Variants in PPP1R3B observed in about 807,000 individuals in gnomAD.
The protein encoded by PPP1R3B is PP1 subunit R4.
In PPP1R3B, 8 loss-of-function variants were observed where a neutral mutation model predicts 14.6. That is an observed-to-expected ratio of 0.55 (90% CI 0.32 to 0.99). PPP1R3B has a LOEUF of 0.99. Ranked by LOEUF, PPP1R3B falls within the 50% of genes least tolerant of loss-of-function variation. PPP1R3B has a pLI of 0.04. For missense variants in PPP1R3B, 452 were observed against 360.1 expected (o/e 1.26, Z -2.07); for synonymous variants, 169 against 142.0 (o/e 1.19, Z -1.35).
At position 9,136,526 on chromosome 8, in the gene PPP1R3B, G is replaced by A. The variant is rs537520925; in HGVS notation, c.*4268C>T. On this transcript the variant is annotated 3_prime_UTR_variant, in exon 2 of 2. Coordinates refer to ENST00000310455, the MANE Select transcript of PPP1R3B (RefSeq NM_024607.4). ...TCTCAAAGCCCTCAGAGGTCCAGCA[G>A]TCTCTAAAAACTCGTCAACAAGACT... The A allele has an allele frequency of 2.0e-5, 3 of 152,348 alleles. No homozygotes were observed. The highest frequency in any genetic ancestry group is 2.0e-4 in the Admixed American group (3 of 15,292). The allele number at this position is 152,348 out of a possible 1,614,324, so 9.4% of individuals were successfully genotyped here.
intron 1 of PPP1R3B, chr8:9,142,168 C>T (rs1433794322): frequency 6.4e-6 from 1 of 155,160 alleles, no homozygotes; most frequent in African/African-American, 2.4e-5. Flanking sequence ...GTGAGCACAG[C>T]TCACTGCAGC....
rs1044246907 is a variant in PPP1R3B at position 9,149,482 on chromosome 8, C to T, written c.-18+1081G>A. ...TGGCGCCACTGCACTCCAGCCTGGG[C>T]GACAGAGCGACACTCCGTCTCAAAA... On this transcript the variant is annotated intron_variant, in intron 1 of 1. Transcript: ENST00000310455. Among the ~76,000 whole-genome samples the T allele has an allele frequency of 4.6e-5, 7 of 152,104 alleles. No homozygotes were observed. The East Asian group carries it at 9.6e-4, about 21-fold the overall frequency.
At chr8:9,149,896 A>G (rs941477789) in intron 1 of PPP1R3B, among the ~76,000 whole-genome samples, 1 of 152,242 alleles carries the variant, frequency 6.6e-6, no homozygotes, top group Non-Finnish European at 1.5e-5. Flanking sequence ...GTACGAGGGA[A>G]AACAGAGTAC....
At chr8:9,145,611 G>T (rs1217103070) in intron 1 of PPP1R3B, among the ~76,000 whole-genome samples, 1 of 152,082 alleles carries the variant, frequency 6.6e-6, no homozygotes. Flanking sequence ...TGACTGTGTG[G>T]GGGCTAGGCT....
chr8:9,147,436 G>T (rs959357306), intron 1 of PPP1R3B, among the ~76,000 whole-genome samples: 1 of 152,120 alleles, frequency 6.6e-6, no homozygotes, highest in African/African-American at 2.4e-5. Context: ...CTCCTCAACT[G>T]AGTCAGCACA....
intron 1 of PPP1R3B, among the ~76,000 whole-genome samples, chr8:9,145,974 A>G (rs561434338): frequency 2.0e-5 from 3 of 152,034 alleles, no homozygotes; most frequent in African/African-American, 7.2e-5. Context: ...GGCCCAAGCA[A>G]TCCTCCCGCC....
chr8:9,137,651 G>T lies in PPP1R3B; in HGVS notation c.*3143C>A, dbSNP rs1391833426. 3 of 152,482 alleles carry T rather than the reference G, an allele frequency of 2.0e-5. No homozygotes were observed. The highest frequency in any genetic ancestry group is 4.4e-5 in the Non-Finnish European group (3 of 68,248). The allele number at this position is 152,482 out of a possible 1,614,324, so 9.4% of individuals were successfully genotyped here. A position where few individuals can be genotyped will look rare whatever the true frequency, so the allele number is the denominator to read the frequency against. On this transcript the variant is annotated 3_prime_UTR_variant, in exon 2 of 2. Transcript: ENST00000310455. ...CTGTTTGCGGCAGGAGGGTAGCAGA[G>T]GAGCAAGTGGTAAACAGAAGACAGA...
At position 9,139,576 on chromosome 8, in the gene PPP1R3B, T is replaced by G. The variant is rs1801000685; in HGVS notation, c.*1218A>C. The G allele has an allele frequency of 6.6e-6, 1 of 152,066 alleles. No individual in the cohort carries two copies. Among genetic ancestry groups the G allele is most frequent in the African/African-American group, 2.4e-5 (1 of 41,382 alleles). The allele number at this position is 152,066 out of a possible 1,614,324, so 9.4% of individuals were successfully genotyped here. On this transcript the variant is annotated 3_prime_UTR_variant, in exon 2 of 2. Coordinates refer to ENST00000310455, the MANE Select transcript of PPP1R3B (RefSeq NM_024607.4). ...CTTTTTTTTTCTGTTTGAGACGGAG[T>G]CTCGCTCTGCTGCCCAGGCGGGAAT...
At position 9,140,937 on chromosome 8, in the gene PPP1R3B, A is replaced by C; in HGVS notation, c.715T>G (p.Ser239Ala). ...NYRIIRAELK[S>A]TQGMTKPHSG... ...TGGGGCTTGGTCATTCCCTGGGTAGATTTTAACTCAGCCCGGATGATCCTA... is the reference window on the plus strand; with the variant it reads ...TGGGGCTTGGTCATTCCCTGGGTAGCTTTTAACTCAGCCCGGATGATCCTA... The change falls in exon 2 of 2, where the codon TCT becomes GCT. Residue 239 changes from serine to alanine, a missense_variant. Coordinates refer to ENST00000310455, the MANE Select transcript of PPP1R3B (RefSeq NM_024607.4). 2 of 1,614,192 alleles carry C rather than the reference A, an allele frequency of 1.2e-6. No homozygotes were observed. Among genetic ancestry groups the C allele is most frequent in the South Asian group, 1.1e-5 (1 of 91,086 alleles).
chr8:9,148,513 C>G (rs1391516005), intron 1 of PPP1R3B, among the ~76,000 whole-genome samples: 1 of 152,214 alleles, frequency 6.6e-6, no homozygotes, highest in Non-Finnish European at 1.5e-5. Context: ...TATGAATTCT[C>G]AAACACTTGC....
rs979450696 is a variant in PPP1R3B, at chr8:9,138,491, A to C, written c.*2303T>G. 1.1e-4 allele frequency: 16 copies of C among 152,290 alleles called. No homozygotes were observed. Among genetic ancestry groups the C allele is most frequent in the African/African-American group, 3.9e-4 (16 of 41,472 alleles). The allele number at this position is 152,290 out of a possible 1,614,324, so 9.4% of individuals were successfully genotyped here. A position where few individuals can be genotyped will look rare whatever the true frequency, so the allele number is the denominator to read the frequency against. Reference sequence around the variant, plus strand: ...CATCTTAAACTTCAGAAATGAAAACAAAACCAAAACAAAACAACAACAAAA... The same window carrying C: ...CATCTTAAACTTCAGAAATGAAAACCAAACCAAAACAAAACAACAACAAAA... On this transcript the variant is annotated 3_prime_UTR_variant, in exon 2 of 2. Transcript: ENST00000310455.
At position 9,136,535 on chromosome 8, in the gene PPP1R3B, A is replaced by C. The variant is rs1359995967; in HGVS notation, c.*4259T>G. 6.6e-6 allele frequency: 1 copy of C among 152,224 alleles called. No homozygotes were observed. The allele number at this position is 152,224 out of a possible 1,614,324, so 9.4% of individuals were successfully genotyped here. A position where few individuals can be genotyped will look rare whatever the true frequency, so the allele number is the denominator to read the frequency against. ...CCTCAGAGGTCCAGCAGTCTCTAAA[A>C]ACTCGTCAACAAGACTAAAAACATT... is the stretch of plus-strand genomic sequence containing the variant. On this transcript the variant is annotated 3_prime_UTR_variant, in exon 2 of 2. Transcript: ENST00000310455.
chr8:9,146,954 C>A (rs1801258800), intron 1 of PPP1R3B, among the ~76,000 whole-genome samples: 1 of 151,974 alleles, frequency 6.6e-6, no homozygotes, highest in Admixed American at 6.6e-5. Context: ...CTAACTGTAA[C>A]ACAGGTAGTG....
intron 1 of PPP1R3B, among the ~76,000 whole-genome samples, chr8:9,148,548 A>G (rs1801310635): frequency 6.6e-6 from 1 of 152,232 alleles, no homozygotes; most frequent in Non-Finnish European, 1.5e-5. Flanking sequence ...CTCAGAGCTC[A>G]GGGATCAGTT....
chr8:9,145,159 T>TAG (rs1379328248), intron 1 of PPP1R3B: 3 of 151,916 alleles, frequency 2.0e-5, no homozygotes, highest in South Asian at 2.1e-4. Context: ...TATATATATA[T>TAG]AGAGAGAGAG....
chr8:9,147,023 C>A (rs1027615723), intron 1 of PPP1R3B, among the ~76,000 whole-genome samples: 1 of 151,170 alleles, frequency 6.6e-6, no homozygotes, highest in African/African-American at 2.4e-5. Context: ...TGCTCTGTTG[C>A]CCAGGCTGGA....
At chr8:9,141,716 A>T (rs1449898414) in intron 1 of PPP1R3B, 48 bp from the exon 2 acceptor site, 2 of 1,534,982 alleles carry the variant, frequency 1.3e-6, no homozygotes, top group Non-Finnish European at 8.9e-7. Context: ...TGGAGCAATC[A>T]GATCAGACAG....
chr8:9,142,591 T>C (rs1801123084), intron 1 of PPP1R3B, among the ~76,000 whole-genome samples: 1 of 152,142 alleles, frequency 6.6e-6, no homozygotes, highest in South Asian at 2.1e-4. Context: ...AGGCACCATA[T>C]TGTACATCAG....
Position 9,140,884 on chromosome 8 carries a change from A to T in PPP1R3B, c.768T>A (p.Phe256Leu), listed in dbSNP as rs1752526983. Residue 256 changes from phenylalanine to leucine, a missense_variant, in exon 2 of 2, where the codon TTT becomes TTA. By Grantham distance (22) the Phe-to-Leu change is conservative (BLOSUM62 0). Coordinates refer to ENST00000310455, the MANE Select transcript of PPP1R3B (RefSeq NM_024607.4). ...AACACCGAGGGCTTCCGAACTGGTC[A>T]AAGGATATTCCCAAATCCGGTCCAC... is the stretch of plus-strand genomic sequence containing the variant. Reference protein sequence around the residue: ...PHSGPDLGISFDQFGSPRCSY... With the variant: ...PHSGPDLGISLDQFGSPRCSY... The T allele has an allele frequency of 1.2e-6, 2 of 1,614,096 alleles. No homozygotes were observed. The highest frequency in any genetic ancestry group is 2.7e-5 in the African/African-American group (2 of 74,942).
Sources: gnomAD v4.1 joint callset for allele counts (sites outside exome capture counted in the v4.1 genomes callset) on GRCh38, gnomAD v4.1.1 for gene constraint, MANE v1.5 for transcripts, NCBI Gene and HGNC (gene_info 2026-07-23, HGNC 2026-07-21) for gene names.